The following EML4 variants were observed in gnomAD, a reference collection of about 807,000 sequenced individuals.
EML4 encodes the protein echinoderm microtubule-associated protein-like 4.
A neutral mutation model predicts 129.0 loss-of-function variants in EML4; 72 were observed. The observed-to-expected ratio is 0.56, with a 90% confidence interval of 0.46 to 0.68. The LOEUF is 0.68. EML4 is among the 30% of genes least tolerant of loss of function. The probability of loss-of-function intolerance (pLI) is 0.00; values close to 1 mark genes in which losing one functional copy is unlikely to be tolerated. For missense variants in EML4, 1,363 were observed against 1,190.6 expected, an observed-to-expected ratio of 1.14 and a Z score of -2.13; for synonymous variants, 532 against 405.0, an observed-to-expected ratio of 1.31 and a Z score of -3.77.
At chr2:42,264,613 A>G in intron 5 of EML4, 93 bp from the exon 6 acceptor site, 1 of 756,424 alleles carries the variant, frequency 1.3e-6, no homozygotes, top group Middle Eastern at 3.5e-4. Flanking sequence ...ATTATAGCCT[A>G]AGCATTAAAA....
At chr2:42,257,109 T>G (rs186835931) in intron 3 of EML4, among the ~76,000 whole-genome samples, 1 of 151,924 alleles carries the variant, frequency 6.6e-6, no homozygotes, top group East Asian at 1.9e-4. Flanking sequence ...CTATCTGGGG[T>G]GTGTGGGGGT....
chr2:42,285,921 A>G (rs1256735972), intron 9 of EML4: 2 of 254,760 alleles, frequency 7.9e-6, no homozygotes, highest in African/African-American at 4.4e-5. Context: ...TAATAGCGGT[A>G]TCACTTTGGG....
intron 1 of EML4, among the ~76,000 whole-genome samples, chr2:42,195,476 CTG>C (rs1671845250): frequency 6.6e-6 from 1 of 151,848 alleles, no homozygotes; most frequent in South Asian, 2.1e-4. Flanking sequence ...AGATCTGACA[CTG>C]TGAAATCCGT....
chr2:42,278,775 A>C (rs1484033029), intron 6 of EML4, among the ~76,000 whole-genome samples: 2 of 151,810 alleles, frequency 1.3e-5, no homozygotes. Context: ...CTCTACTAAA[A>C]ATACAAAAAA....
chr2:42,287,317 A>G (rs1667363294), intron 10 of EML4, among the ~76,000 whole-genome samples: 2 of 152,196 alleles, frequency 1.3e-5, no homozygotes, highest in African/African-American at 2.4e-5. Flanking sequence ...AAGAGGTCAT[A>G]AAGGCAATAC....
At chr2:42,257,872 T>C (rs1257108658) in intron 3 of EML4, among the ~76,000 whole-genome samples, 2 of 151,488 alleles carry the variant, frequency 1.3e-5, no homozygotes, top group Admixed American at 6.6e-5. Context: ...TGGAACTCAA[T>C]CTTTGTCGTC....
chr2:42,178,234 A>C (rs1293680609), intron 1 of EML4, among the ~76,000 whole-genome samples: 1 of 152,140 alleles, frequency 6.6e-6, no homozygotes, highest in Admixed American at 6.6e-5. Context: ...TTGCAAATCA[A>C]TTCTTTACTT....
intron 11 of EML4, among the ~76,000 whole-genome samples, chr2:42,290,322 G>A (rs1458533568): frequency 6.6e-6 from 1 of 152,024 alleles, no homozygotes; most frequent in African/African-American, 2.4e-5. Context: ...TTGGGGAGTT[G>A]ATATATAACT....
At chr2:42,180,888 CT>C (rs989531216) in intron 1 of EML4, among the ~76,000 whole-genome samples, 1 of 152,150 alleles carries the variant, frequency 6.6e-6, no homozygotes, top group Non-Finnish European at 1.5e-5. Flanking sequence ...CTTAGTCTTC[CT>C]TGGGTTTTGT....
intron 17 of EML4, among the ~76,000 whole-genome samples, chr2:42,308,659 T>C (rs1668754785): frequency 6.6e-6 from 1 of 152,220 alleles, no homozygotes; most frequent in South Asian, 2.1e-4. Flanking sequence ...CACAGGGTTA[T>C]GCAGCTATCC....
chr2:42,187,083 G>T, intron 1 of EML4, among the ~76,000 whole-genome samples: 1 of 150,514 alleles, frequency 6.6e-6, no homozygotes, highest in Non-Finnish European at 1.5e-5. Flanking sequence ...TTGCTCTGTT[G>T]CCCAGGCTGG....
At position 42,329,981 on chromosome 2, in the gene EML4, A is replaced by G; in HGVS notation, c.2720A>G (p.Asn907Ser). 1 of 1,613,914 alleles carries G rather than the reference A, an allele frequency of 6.2e-7. No homozygotes were observed. Among genetic ancestry groups the G allele is most frequent in the Non-Finnish European group, 8.5e-7 (1 of 1,180,002 alleles). Residue 907 changes from asparagine to serine, a missense_variant, in exon 23 of 23, where the codon AAT (asparagine) becomes AGT (serine). Physicochemically the swap from Asn to Ser is conservative, Grantham distance 46. Transcript: ENST00000318522. Reference sequence around the variant, plus strand: ...ACACCGCCTCCTTCTCAGCCCTTAAATGAGACAGCTGAAGAGGAAAGTAGA... The same window carrying G: ...ACACCGCCTCCTTCTCAGCCCTTAAGTGAGACAGCTGAAGAGGAAAGTAGA... ...TPTPPPSQPL[N>S]ETAEEESRIS...
At chr2:42,224,370 T>G (rs1275201614) in intron 1 of EML4, among the ~76,000 whole-genome samples, 1 of 152,196 alleles carries the variant, frequency 6.6e-6, no homozygotes, top group East Asian at 1.9e-4. Context: ...TGTTGCAGCA[T>G]GTATCACTGT....
intron 3 of EML4, among the ~76,000 whole-genome samples, chr2:42,257,777 C>T (rs950896186): frequency 1.3e-5 from 2 of 150,042 alleles, no homozygotes; most frequent in African/African-American, 4.9e-5. Context: ...GGGGAGCTTG[C>T]AGTGAGCCAC....
At chr2:42,280,335 C>T (rs1209369160) in intron 6 of EML4, among the ~76,000 whole-genome samples, 1 of 152,096 alleles carries the variant, frequency 6.6e-6, no homozygotes, top group East Asian at 1.9e-4. Flanking sequence ...GTTTATTTTT[C>T]CCTACAATGT....
intron 10 of EML4, among the ~76,000 whole-genome samples, chr2:42,287,835 A>G (rs1006753691): frequency 2.6e-5 from 4 of 152,152 alleles, no homozygotes; most frequent in Non-Finnish European, 5.9e-5. Context: ...TTAGTGAGGA[A>G]CAAAGTTATG....
chr2:42,258,157 G>A (rs1162238410), intron 3 of EML4, among the ~76,000 whole-genome samples: 1 of 152,020 alleles, frequency 6.6e-6, no homozygotes, highest in Non-Finnish European at 1.5e-5. Flanking sequence ...ATGATCCAGG[G>A]TCCCTGTATT....
intron 1 of EML4, among the ~76,000 whole-genome samples, chr2:42,196,230 T>G (rs1671889124): frequency 6.6e-6 from 1 of 152,184 alleles, no homozygotes; most frequent in Non-Finnish European, 1.5e-5. Flanking sequence ...ATACATTCAT[T>G]TATTAATGAA....
intron 6 of EML4, among the ~76,000 whole-genome samples, chr2:42,277,487 T>TTTCTTA (rs1365957740): frequency 6.6e-6 from 1 of 152,196 alleles, no homozygotes; most frequent in East Asian, 1.9e-4. Flanking sequence ...CCTTAGCCTG[T>TTTCTTA]TCTTAGATCA....
Sources: allele counts gnomAD v4.1 joint callset (sites outside exome capture counted in the v4.1 genomes callset), GRCh38; gene constraint gnomAD v4.1.1; transcripts MANE v1.5; gene names NCBI Gene and HGNC (gene_info 2026-07-23, HGNC 2026-07-21).